The following SLC24A2 variants were observed in gnomAD, a reference collection of about 807,000 sequenced individuals.
The protein encoded by SLC24A2 is sodium/potassium/calcium exchanger 2.
A neutral mutation model predicts 62.0 loss-of-function variants in SLC24A2; 36 were observed. The observed-to-expected ratio is 0.58, with a 90% confidence interval of 0.44 to 0.77. The LOEUF (loss-of-function observed/expected upper bound fraction) is 0.77. Ranked by LOEUF, SLC24A2 falls within the 30% of genes least tolerant of loss-of-function variation. The pLI is 0.00. For missense variants in SLC24A2, 846 were observed against 817.9 expected (o/e 1.03, Z -0.42); for synonymous variants, 358 against 294.0 (o/e 1.22, Z -2.23).
At chr9:19,719,323 A>G (rs1455468103) in intron 2 of SLC24A2, among the ~76,000 whole-genome samples, 1 of 152,222 alleles carries the variant, frequency 6.6e-6, no homozygotes, top group Non-Finnish European at 1.5e-5. Flanking sequence ...AAAACCTTGA[A>G]GATAATTTGC....
At chr9:19,879,139 C>T in the SLC24A2 span, among the ~76,000 whole-genome samples, 1 of 151,990 alleles carries the variant, frequency 6.6e-6, no homozygotes, top group Non-Finnish European at 1.5e-5. Flanking sequence ...CTGTCCCTTC[C>T]TCATCTTTTA....
the SLC24A2 span, among the ~76,000 whole-genome samples, chr9:20,234,031 C>T: frequency 1.3e-5 from 2 of 152,208 alleles, no homozygotes; most frequent in East Asian, 3.8e-4. Context: ...AAATTATTTT[C>T]TTTAAAAATG....
chr9:19,750,214 T>A (rs566835105), intron 2 of SLC24A2, among the ~76,000 whole-genome samples: 84 of 152,256 alleles, frequency 5.5e-4, no homozygotes, highest in African/African-American at 1.9e-3. Flanking sequence ...TCACTGGGAA[T>A]ACCAGAAAGG....
At chr9:20,071,005 A>G in the SLC24A2 span, among the ~76,000 whole-genome samples, 1 of 152,152 alleles carries the variant, frequency 6.6e-6, no homozygotes, top group African/African-American at 2.4e-5. Flanking sequence ...TTGTTGTGAT[A>G]GTGAGTTCTT....
chr9:19,632,092 G>A lies in SLC24A2; in HGVS notation c.931-9793C>T, dbSNP rs1818195139. Among the ~76,000 whole-genome samples, 1 of 152,140 alleles carries A rather than the reference G, an allele frequency of 6.6e-6. No individual in the cohort carries two copies. The highest frequency in any genetic ancestry group is 1.5e-5 in the Non-Finnish European group (1 of 68,028). On this transcript the variant is annotated intron_variant, in intron 2 of 10. Coordinates refer to ENST00000341998, the MANE Select transcript of SLC24A2 (RefSeq NM_020344.4). The surrounding 1 kb of genome is among the most constrained non-coding windows in gnomAD (Gnocchi z 4.5). Reference sequence around the variant, plus strand: ...GTAAGGACTAGGAGTCCCATTAGTGGGGCTTGACATGAGGACAGTTACCTT... The same window carrying A: ...GTAAGGACTAGGAGTCCCATTAGTGAGGCTTGACATGAGGACAGTTACCTT...
chr9:20,278,241 A>T, the SLC24A2 span, among the ~76,000 whole-genome samples: 1 of 152,248 alleles, frequency 6.6e-6, no homozygotes, highest in South Asian at 2.1e-4. Flanking sequence ...TAATAAAAAA[A>T]TTAAAAATAA....
the SLC24A2 span, among the ~76,000 whole-genome samples, chr9:20,006,261 A>G: frequency 6.6e-6 from 1 of 152,000 alleles, no homozygotes; most frequent in East Asian, 1.9e-4. Context: ...TCATGTTATT[A>G]AATACTAATT....
chr9:20,138,846 C>G, the SLC24A2 span, among the ~76,000 whole-genome samples: 5 of 152,186 alleles, frequency 3.3e-5, no homozygotes, highest in Non-Finnish European at 5.9e-5. Context: ...GGCTCAAGTT[C>G]CAACCTCAAG....
the SLC24A2 span, among the ~76,000 whole-genome samples, chr9:20,211,958 T>A: frequency 0.036 from 5,403 of 152,192 alleles, 277 homozygotes; most frequent in African/African-American, 0.11. Context: ...CAATAAATTA[T>A]AGTTTATATG....
the SLC24A2 span, among the ~76,000 whole-genome samples, chr9:19,854,556 A>C: frequency 6.6e-6 from 1 of 152,172 alleles, no homozygotes; most frequent in Non-Finnish European, 1.5e-5. Flanking sequence ...TTATTTACCC[A>C]GGAGTCATTC....
the SLC24A2 span, among the ~76,000 whole-genome samples, chr9:20,170,397 C>T: frequency 6.6e-6 from 1 of 151,978 alleles, no homozygotes; most frequent in Non-Finnish European, 1.5e-5. Flanking sequence ...TTAACACAAT[C>T]CCTACCTCGG....
At chr9:19,679,978 C>T (rs1262246557) in intron 2 of SLC24A2, among the ~76,000 whole-genome samples, 1 of 151,870 alleles carries the variant, frequency 6.6e-6, no homozygotes, top group Non-Finnish European at 1.5e-5. Context: ...CAGAAAGGAA[C>T]CTTAACTGGT....
At chr9:19,517,851 G>A (rs1041312710) in intron 10 of SLC24A2, among the ~76,000 whole-genome samples, 1 of 151,320 alleles carries the variant, frequency 6.6e-6, no homozygotes, top group Admixed American at 6.6e-5. Context: ...GACTTGGCCT[G>A]GGAAACTCTT....
the SLC24A2 span, among the ~76,000 whole-genome samples, chr9:20,157,472 A>T: frequency 6.6e-6 from 1 of 151,750 alleles, no homozygotes; most frequent in Non-Finnish European, 1.5e-5. Context: ...ACAGAAAAAG[A>T]AAACCACCCT....
At chr9:20,233,878 C>T in the SLC24A2 span, among the ~76,000 whole-genome samples, 1 of 152,182 alleles carries the variant, frequency 6.6e-6, no homozygotes, top group Admixed American at 6.5e-5. Context: ...TTGTCCCTTT[C>T]CATGTTTAAT....
At position 19,563,820 on chromosome 9, in the gene SLC24A2, TCCTTCCTC is replaced by T. The variant is rs1158525279; in HGVS notation, c.1347+9523_1347+9530del. Among the ~76,000 whole-genome samples the T allele has an allele frequency of 7.6e-3, 703 of 92,656 alleles. 6 individuals carry two copies. The highest frequency in any genetic ancestry group is 0.011 in the Non-Finnish European group (563 of 50,546). The allele number at this position is 92,656 out of a possible 152,430, so 60.8% of individuals were successfully genotyped here. A position where few individuals can be genotyped will look rare whatever the true frequency, so the allele number is the denominator to read the frequency against. ...ACCCTTCCTTCCTTCCTTCCTTCCTTCCTTCCTCCCTCCCTCCCTCCCTCCCTCCCTCC... is the reference window on the plus strand; with the variant it reads ...ACCCTTCCTTCCTTCCTTCCTTCCTTCCTCCCTCCCTCCCTCCCTCCCTCC... On this transcript the variant is annotated intron_variant, in intron 7 of 10. Coordinates refer to ENST00000341998, the MANE Select transcript of SLC24A2 (RefSeq NM_020344.4).
At chr9:19,547,266 G>C (rs1488395230) in intron 8 of SLC24A2, among the ~76,000 whole-genome samples, 1 of 152,120 alleles carries the variant, frequency 6.6e-6, no homozygotes, top group East Asian at 1.9e-4. Flanking sequence ...CCATTCCAGG[G>C]CTAGCACTTG....
At chr9:19,986,076 C>T in the SLC24A2 span, among the ~76,000 whole-genome samples, 1 of 151,994 alleles carries the variant, frequency 6.6e-6, no homozygotes, top group African/African-American at 2.4e-5. Flanking sequence ...TATAATTCAA[C>T]AGTAACAACA....
intron 4 of SLC24A2, among the ~76,000 whole-genome samples, chr9:19,616,452 G>C (rs1046375752): frequency 6.6e-6 from 1 of 152,236 alleles, no homozygotes; most frequent in Non-Finnish European, 1.5e-5. Flanking sequence ...TGGACCCAGA[G>C]TCTGGTTCGG....
Sources: allele counts gnomAD v4.1 joint callset (sites outside exome capture counted in the v4.1 genomes callset), GRCh38; gene constraint gnomAD v4.1.1; non-coding constraint Gnocchi (gnomAD v3.1); transcripts MANE v1.5; gene names NCBI Gene and HGNC (gene_info 2026-07-23, HGNC 2026-07-21).